GADL1: variants seen among roughly 807,000 people sequenced by gnomAD.
GADL1 encodes GAD like acidic amino acid decarboxylase 1.
A neutral mutation model predicts 69.5 loss-of-function variants in GADL1; 71 were observed. The ratio of observed to expected loss-of-function variants is 1.02; its 90% confidence interval spans 0.84 to 1.25. GADL1 has a LOEUF of 1.25. Among genes scored for constraint, GADL1 ranks in the 50% most tolerant of loss-of-function variants. GADL1 has a pLI of 0.00. For synonymous variants in GADL1, 254 were observed against 214.4 expected (o/e 1.18, Z -1.62); for missense variants, 737 against 631.8 (o/e 1.17, Z -1.79).
At chr3:30,869,022 T>C (rs1698444613) in intron 1 of GADL1, among the ~76,000 whole-genome samples, 1 of 151,682 alleles carries the variant, frequency 6.6e-6, no homozygotes, top group African/African-American at 2.4e-5. Context: ...TGGGGTAGTA[T>C]TAATTAATAA....
At chr3:30,849,975 A>G (rs1160166237) in intron 6 of GADL1, 21 bp downstream of exon 6, 2 of 1,359,436 alleles carry the variant, frequency 1.5e-6, no homozygotes, top group Non-Finnish European at 2.1e-6. Context: ...ATCTATATTC[A>G]ATACCAAAAA....
chr3:30,846,079 C>CAA (rs1698050301), intron 6 of GADL1, among the ~76,000 whole-genome samples: 1 of 148,950 alleles, frequency 6.7e-6, no homozygotes. Flanking sequence ...CAAAAAACTG[C>CAA]AAAACTGAAG....
chr3:30,874,452 G>A lies in GADL1; in HGVS notation c.38-12687C>T, dbSNP rs1272239829. ...TGAGAGATGGGTTTGGAACCATCTAGGATATGGGCCAAGGATGTTTTTGGC... is the reference window on the plus strand; with the variant it reads ...TGAGAGATGGGTTTGGAACCATCTAAGATATGGGCCAAGGATGTTTTTGGC... On this transcript the variant is annotated intron_variant, in intron 1 of 14. Coordinates refer to ENST00000282538, the MANE Select transcript of GADL1 (RefSeq NM_207359.3). Among the ~76,000 whole-genome samples the A allele has an allele frequency of 2.6e-5, 4 of 151,956 alleles. No individual in the cohort carries two copies. The East Asian group carries it at 5.8e-4, about 22-fold the overall frequency.
In GADL1 at chr3:30,728,205, G is replaced by A. The variant is rs139610937; in HGVS notation, c.*37C>T. On this transcript the variant is annotated 3_prime_UTR_variant, in exon 15 of 15. Transcript: ENST00000282538. ...GATGTTCTGGATCTAAACTCTCCCA[G>A]GATAGGATCTATGCCTCTGGGGGAC... The A allele has an allele frequency of 1.2e-4, 193 of 1,574,474 alleles. No homozygotes were observed. In the Middle Eastern group the frequency reaches 2.2e-3, roughly 18 times the overall value.
intron 11 of GADL1, among the ~76,000 whole-genome samples, chr3:30,810,955 A>G (rs527710094): frequency 7.1e-4 from 108 of 152,296 alleles, no homozygotes; most frequent in African/African-American, 2.5e-3. Context: ...ATGAACTGCT[A>G]AGAGCTCACA....
intron 1 of GADL1, among the ~76,000 whole-genome samples, chr3:30,882,126 A>G (rs1057081228): frequency 1.3e-5 from 2 of 150,336 alleles, no homozygotes; most frequent in African/African-American, 2.5e-5. Context: ...TCCTTAAAAT[A>G]TTTATTTTTT....
chr3:30,740,313 G>A (rs11922801), intron 14 of GADL1, among the ~76,000 whole-genome samples: 2 of 152,264 alleles, frequency 1.3e-5, no homozygotes, highest in African/African-American at 4.8e-5. Context: ...CTGCAAAATA[G>A]CCCTCAAGAT....
In GADL1 at chr3:30,894,630, C is replaced by T. The variant is rs1402847423; in HGVS notation, c.-16G>A. ...CGCTGCTCATCTCCGCTCCCCCACT[C>T]CAGGCTGCCCCGGGCGCGGCTCCCG... On this transcript the variant is annotated 5_prime_UTR_variant, in exon 1 of 15. Transcript: ENST00000282538. The T allele has an allele frequency of 6.5e-7, 1 of 1,549,586 alleles. No individual in the cohort carries two copies. Among genetic ancestry groups the T allele is most frequent in the Admixed American group, 2.0e-5 (1 of 50,918 alleles).
At chr3:30,757,449 A>G (rs1310781786) in intron 14 of GADL1, among the ~76,000 whole-genome samples, 1 of 152,172 alleles carries the variant, frequency 6.6e-6, no homozygotes, top group East Asian at 2.0e-4. Flanking sequence ...AATTAAAGAC[A>G]TGAAAGGGAA....
At chr3:30,893,031 T>C (rs1325629085) in intron 1 of GADL1, among the ~76,000 whole-genome samples, 1 of 152,160 alleles carries the variant, frequency 6.6e-6, no homozygotes, top group Admixed American at 6.5e-5. Context: ...ATTTTTTGTA[T>C]TTTTAGTAGA....
chr3:30,762,179 A>G (rs553972487), intron 14 of GADL1, among the ~76,000 whole-genome samples: 1 of 152,306 alleles, frequency 6.6e-6, no homozygotes, highest in Non-Finnish European at 1.5e-5. Flanking sequence ...TGTTTATGCA[A>G]GGCCTCTAAC....
chr3:30,864,873 CAACT>C (rs988386043), intron 1 of GADL1, among the ~76,000 whole-genome samples: 46 of 151,952 alleles, frequency 3.0e-4, no homozygotes, highest in Middle Eastern at 3.2e-3. Flanking sequence ...AGTAGCCTCC[CAACT>C]AACCACCTTT....
intron 14 of GADL1, among the ~76,000 whole-genome samples, chr3:30,753,690 T>C (rs372416054): frequency 6.6e-6 from 1 of 152,218 alleles, no homozygotes; most frequent in Admixed American, 6.5e-5. Context: ...TTAGATAATA[T>C]GAGGAAACCA....
At position 30,728,394 on chromosome 3, in the gene GADL1, T is replaced by C; in HGVS notation, c.1414A>G (p.Arg472Gly). Residue 472 changes from arginine to glycine, a missense_variant, in exon 15 of 15, where the codon AGG becomes GGG. Transcript: ENST00000282538. The part of the protein sequence containing the change: ...LNLVAPAIKE[R>G]MMKKGSLMLG... Reference sequence around the variant, plus strand: ...ATCAAGCTTCCCTTCTTCATCATCCTCTCCTTAATGGCTGGGGCCACCTGT... The same window carrying C: ...ATCAAGCTTCCCTTCTTCATCATCCCCTCCTTAATGGCTGGGGCCACCTGT... The C allele has an allele frequency of 6.2e-7, 1 of 1,613,482 alleles. No homozygotes were observed. Among genetic ancestry groups the C allele is most frequent in the Non-Finnish European group, 8.5e-7 (1 of 1,179,708 alleles).
chr3:30,849,444 G>A (rs956468163), intron 6 of GADL1, among the ~76,000 whole-genome samples: 1 of 152,094 alleles, frequency 6.6e-6, no homozygotes, highest in African/African-American at 2.4e-5. Flanking sequence ...CTGAATCCAG[G>A]CAGCCTAACT....
intron 14 of GADL1, among the ~76,000 whole-genome samples, chr3:30,768,552 G>GGA (rs1433037885): frequency 7.4e-6 from 1 of 134,922 alleles, no homozygotes; most frequent in African/African-American, 2.5e-5. Context: ...GAGAAGAGGG[G>GGA]GAGAGAGAAG....
chr3:30,784,391 C>A (rs1179473578), intron 13 of GADL1, among the ~76,000 whole-genome samples: 1 of 141,868 alleles, frequency 7.0e-6, no homozygotes, highest in African/African-American at 3.1e-5. Flanking sequence ...TGAAAGAAAC[C>A]AGGTTGTTCT....
intron 1 of GADL1, among the ~76,000 whole-genome samples, chr3:30,891,839 AAG>A (rs976571488): frequency 6.6e-6 from 1 of 151,804 alleles, no homozygotes; most frequent in Non-Finnish European, 1.5e-5. Flanking sequence ...CACAGAGAAA[AAG>A]AGAAAATCTA....
chr3:30,812,527 T>C (rs1467188979), intron 11 of GADL1, among the ~76,000 whole-genome samples: 2 of 152,136 alleles, frequency 1.3e-5, no homozygotes, highest in African/African-American at 4.8e-5. Context: ...ATTATAAGAA[T>C]AGCATGGGAA....
Sources: allele counts gnomAD v4.1 joint callset (sites outside exome capture counted in the v4.1 genomes callset), GRCh38; gene constraint gnomAD v4.1.1; transcripts MANE v1.5; gene names NCBI Gene and HGNC (gene_info 2026-07-23, HGNC 2026-07-21).